The following FAM227A variants were observed in gnomAD, a reference collection of about 807,000 sequenced individuals.
FAM227A encodes protein FAM227A.
A neutral mutation model predicts 74.7 loss-of-function variants in FAM227A; 80 were observed. That is an observed-to-expected ratio of 1.07 (90% confidence interval 0.89 to 1.29). The LOEUF (loss-of-function observed/expected upper bound fraction) is 1.29, where lower values mean the gene tolerates loss of function less well. Ranked by LOEUF, FAM227A falls within the 50% of genes most tolerant of loss-of-function variation. The probability of loss-of-function intolerance (pLI) is 0.00; values close to 1 mark genes in which losing one functional copy is unlikely to be tolerated. For missense variants in FAM227A, 654 were observed against 683.4 expected (o/e 0.96, Z 0.48); for synonymous variants, 237 against 241.8 (o/e 0.98, Z 0.19).
At position 38,585,640 on chromosome 22, in the gene FAM227A, T is replaced by G. The variant is rs2090789347; in HGVS notation, c.*485A>C. 6.0e-6 allele frequency: 1 copy of G among 166,812 alleles called. No homozygotes were observed. Among genetic ancestry groups the G allele is most frequent in the Non-Finnish European group, 1.3e-5 (1 of 76,220 alleles). The allele number at this position is 166,812 out of a possible 1,614,324, so 10.3% of individuals were successfully genotyped here. A position where few individuals can be genotyped will look rare whatever the true frequency, so the allele number is the denominator to read the frequency against. On this transcript the variant is annotated 3_prime_UTR_variant, in exon 17 of 17. Transcript: ENST00000535113. ...TTTCTCTTTTTCCTCTGTCCAATAC[T>G]TACAGCATTTAATGTGTTGATACAT...
rs148786210 is a variant in FAM227A, at chr22:38,581,845, C to T, written c.*4280G>A. 1,468 of 152,420 alleles carry T rather than the reference C, an allele frequency of 9.6e-3. 34 individuals carry two copies. Among genetic ancestry groups the T allele is most frequent in the African/African-American group, 0.034 (1,415 of 41,180 alleles). 9.4% of individuals were successfully genotyped at this position (152,420 alleles called of 1,614,324 possible). On this transcript the variant is annotated 3_prime_UTR_variant, in exon 17 of 17. Coordinates refer to ENST00000535113, the MANE Select transcript of FAM227A (RefSeq NM_001013647.2). ...GCAGCCTTAAGCTCCCAGGCTCAAG[C>T]GATCCTCCCACCTCAGCCTCCCTAG...
At chr22:38,627,568 AAAAT>A (rs1273772068) in intron 8 of FAM227A, among the ~76,000 whole-genome samples, 1 of 152,020 alleles carries the variant, frequency 6.6e-6, no homozygotes, top group African/African-American at 2.4e-5. Flanking sequence ...ACTCTGTCTC[AAAAT>A]AAATAATAAA....
chr22:38,606,151 T>C (rs1278727336), intron 12 of FAM227A, among the ~76,000 whole-genome samples: 1 of 152,078 alleles, frequency 6.6e-6, no homozygotes, highest in African/African-American at 2.4e-5. Flanking sequence ...ATTGGAATTA[T>C]CCAATCCAGC....
chr22:38,650,923 A>T (rs1364344585), intron 1 of FAM227A, among the ~76,000 whole-genome samples: 1 of 152,164 alleles, frequency 6.6e-6, no homozygotes, highest in Non-Finnish European at 1.5e-5. Flanking sequence ...AAAGACTTAG[A>T]TCCTGCCCTC....
chr22:38,596,154 C>G (rs999283349), intron 15 of FAM227A, among the ~76,000 whole-genome samples: 1 of 152,078 alleles, frequency 6.6e-6, no homozygotes, highest in Non-Finnish European at 1.5e-5. Context: ...ATCCCCTTCT[C>G]TACTAAAAAC....
chr22:38,582,220 C>T lies in FAM227A; in HGVS notation c.*3905G>A. 1 of 967,970 alleles carries T rather than the reference C, an allele frequency of 1.0e-6. No individual in the cohort carries two copies. Among genetic ancestry groups the T allele is most frequent in the Non-Finnish European group, 1.5e-6 (1 of 657,050 alleles). 60.0% of individuals were successfully genotyped at this position (967,970 alleles called of 1,614,324 possible). A position where few individuals can be genotyped will look rare whatever the true frequency, so the allele number is the denominator to read the frequency against. The stretch of plus-strand genomic sequence containing the variant: ...CTCTTTGTAACCCCTTCCAGCTTCC[C>T]TCCTATCCCCTCTCCAGCTATCCCT... On this transcript the variant is annotated 3_prime_UTR_variant, in exon 17 of 17. Transcript: ENST00000535113.
chr22:38,643,102 G>A (rs1051383682), intron 3 of FAM227A, among the ~76,000 whole-genome samples: 1 of 151,962 alleles, frequency 6.6e-6, no homozygotes, highest in East Asian at 1.9e-4. Context: ...AACACCTGAG[G>A]TCAGGAGGTC....
chr22:38,580,104 A>G lies in FAM227A; in HGVS notation c.*6021T>C, dbSNP rs908242572. On this transcript the variant is annotated 3_prime_UTR_variant, in exon 17 of 17. Transcript: ENST00000535113. ...CTCTGCTAATTTTTACTTTTTTTGT[A>G]GAGACAAGGTCTCACTATGTTACCC... 6 of 142,996 alleles carry G rather than the reference A, an allele frequency of 4.2e-5. No homozygotes were observed. The highest frequency in any genetic ancestry group is 7.9e-5 in the African/African-American group (3 of 37,966). The allele number at this position is 142,996 out of a possible 1,614,324, so 8.9% of individuals were successfully genotyped here. A position where few individuals can be genotyped will look rare whatever the true frequency, so the allele number is the denominator to read the frequency against.
chr22:38,619,216 G>C (rs1462541733), intron 11 of FAM227A, among the ~76,000 whole-genome samples: 1 of 152,222 alleles, frequency 6.6e-6, no homozygotes, highest in Non-Finnish European at 1.5e-5. Flanking sequence ...AGAAGGGGTT[G>C]AGCCAGATGA....
chr22:38,586,291 G>C lies in FAM227A; in HGVS notation c.1639-92C>G, dbSNP rs1050448526. 3 of 1,379,326 alleles carry C rather than the reference G, an allele frequency of 2.2e-6. No homozygotes were observed. In the Admixed American group the frequency reaches 6.3e-5, roughly 29 times the overall value. The allele number at this position is 1,379,326 out of a possible 1,614,324, so 85.4% of individuals were successfully genotyped here. A position where few individuals can be genotyped will look rare whatever the true frequency, so the allele number is the denominator to read the frequency against. ...GCACGTGAGCAGTGGCGTGGCCAGT[G>C]GTGATCCTTGTGTGCATGGAATATT... On this transcript the variant is annotated intron_variant, in intron 16 of 16. Coordinates refer to ENST00000535113, the MANE Select transcript of FAM227A (RefSeq NM_001013647.2).
intron 2 of FAM227A, among the ~76,000 whole-genome samples, chr22:38,647,390 G>A: frequency 6.6e-6 from 1 of 152,120 alleles, no homozygotes; most frequent in Non-Finnish European, 1.5e-5. Context: ...CTTGAACCCA[G>A]GAGGCGGACG....
intron 15 of FAM227A, among the ~76,000 whole-genome samples, chr22:38,594,980 C>A (rs1034033328): frequency 6.6e-6 from 1 of 152,084 alleles, no homozygotes; most frequent in Admixed American, 6.5e-5. Flanking sequence ...TGCCTGTAAT[C>A]CTAGATATTT....
At chr22:38,598,959 T>C (rs937841846) in intron 14 of FAM227A, among the ~76,000 whole-genome samples, 9 of 142,500 alleles carry the variant, frequency 6.3e-5, no homozygotes, top group African/African-American at 2.2e-4. Flanking sequence ...TTTTCTTTCT[T>C]TTTTTTTTTT....
chr22:38,639,942 C>T (rs2092079160), intron 3 of FAM227A, among the ~76,000 whole-genome samples: 1 of 152,060 alleles, frequency 6.6e-6, no homozygotes, highest in Admixed American at 6.6e-5. Flanking sequence ...GCCCCTTCTT[C>T]TAGGAGTATG....
At chr22:38,649,203 T>G (rs1375147814) in intron 2 of FAM227A, among the ~76,000 whole-genome samples, 1 of 152,180 alleles carries the variant, frequency 6.6e-6, no homozygotes, top group Non-Finnish European at 1.5e-5. Context: ...TAGTAAAAAA[T>G]ACTGGAGTCA....
intron 16 of FAM227A, among the ~76,000 whole-genome samples, chr22:38,587,683 C>T (rs974338402): frequency 6.6e-6 from 1 of 152,136 alleles, no homozygotes; most frequent in Admixed American, 6.5e-5. Flanking sequence ...TCTTCTCAAG[C>T]TCTTCCAAAA....
intron 6 of FAM227A, among the ~76,000 whole-genome samples, chr22:38,629,911 C>T (rs1470950917): frequency 1.5e-5 from 2 of 134,028 alleles, no homozygotes; most frequent in Non-Finnish European, 3.2e-5. Context: ...CATCAGGAAG[C>T]GTGCCTCTTC....
At chr22:38,597,426 G>A in intron 14 of FAM227A, 70 bp from the exon 15 acceptor site, 1 of 1,450,864 alleles carries the variant, frequency 6.9e-7, no homozygotes, top group Non-Finnish European at 9.5e-7. Context: ...AGTGGCATGA[G>A]CGCAGTGCAT....
Position 38,583,001 on chromosome 22 carries a change from C to A in FAM227A, c.*3124G>T, listed in dbSNP as rs750289250. 16 of 1,531,772 alleles carry A rather than the reference C, an allele frequency of 1.0e-5. No homozygotes were observed. The highest frequency in any genetic ancestry group is 1.4e-5 in the Non-Finnish European group (16 of 1,131,460). The allele number at this position is 1,531,772 out of a possible 1,614,324, so 94.9% of individuals were successfully genotyped here. On this transcript the variant is annotated 3_prime_UTR_variant, in exon 17 of 17. Transcript: ENST00000535113. ...GCATTTTCAGGTCCAGAAGCAGCAA[C>A]AGACAAAAGATCCAGAAATAGGAAA...
Sources: gnomAD v4.1 joint callset for allele counts (sites outside exome capture counted in the v4.1 genomes callset) on GRCh38, gnomAD v4.1.1 for gene constraint, MANE v1.5 for transcripts, NCBI Gene and HGNC (gene_info 2026-07-23, HGNC 2026-07-21) for gene names.